Variants in CCDC171 observed in about 807,000 individuals in gnomAD.
CCDC171 encodes the protein coiled-coil domain containing 171.
A neutral mutation model predicts 168.2 loss-of-function variants in CCDC171; 177 were observed. That is an observed-to-expected ratio of 1.05 (90% CI 0.93 to 1.19). CCDC171 has a LOEUF of 1.19. CCDC171 is among the 50% of genes most tolerant of loss of function. CCDC171 has a pLI of 0.00. For missense variants in CCDC171, 1,991 were observed against 1,539.0 expected, an observed-to-expected ratio of 1.29 and a Z score of -4.91; for synonymous variants, 687 against 540.8, an observed-to-expected ratio of 1.27 and a Z score of -3.75.
intron 16 of CCDC171, among the ~76,000 whole-genome samples, chr9:15,737,841 G>GT (rs1164067985): frequency 2.6e-5 from 4 of 152,122 alleles, no homozygotes; most frequent in Non-Finnish European, 5.9e-5. Flanking sequence ...ATAATTCTAT[G>GT]TTTAACTTTT....
At chr9:15,945,332 A>T (rs1446534040) in intron 25 of CCDC171, among the ~76,000 whole-genome samples, 9 of 146,114 alleles carry the variant, frequency 6.2e-5, no homozygotes, top group Non-Finnish European at 1.2e-4. Context: ...TAATGCCGCA[A>T]TAAACATAGG....
chr9:16,090,568 A>G, the CCDC171 span, among the ~76,000 whole-genome samples: 3 of 152,206 alleles, frequency 2.0e-5, no homozygotes, highest in Admixed American at 2.0e-4. Context: ...AGTATAATTT[A>G]AAAAATGCTC....
At chr9:15,712,724 G>C (rs2089618) in intron 11 of CCDC171, among the ~76,000 whole-genome samples, 52 of 152,284 alleles carry the variant, frequency 3.4e-4, no homozygotes, top group African/African-American at 1.2e-3. Context: ...CCTCCCAGAG[G>C]ATGGTGTCAT....
At chr9:15,674,520 C>T (rs1008974636) in intron 9 of CCDC171, among the ~76,000 whole-genome samples, 3 of 152,204 alleles carry the variant, frequency 2.0e-5, no homozygotes, top group African/African-American at 7.2e-5. Flanking sequence ...TCCCTCTACA[C>T]ACTTCCTTAA....
intron 9 of CCDC171, among the ~76,000 whole-genome samples, chr9:15,674,614 T>G (rs1419822385): frequency 3.9e-5 from 6 of 152,232 alleles, no homozygotes; most frequent in Non-Finnish European, 8.8e-5. Context: ...CATTTTGTTA[T>G]TTACTGAGTA....
intron 6 of CCDC171, among the ~76,000 whole-genome samples, chr9:15,599,845 T>C (rs2042691485): frequency 6.6e-6 from 1 of 152,154 alleles, no homozygotes; most frequent in African/African-American, 2.4e-5. Context: ...CTTTCTTTGT[T>C]TCTTTTTACT....
intron 21 of CCDC171, among the ~76,000 whole-genome samples, chr9:15,802,763 G>T (rs1419370174): frequency 1.3e-5 from 2 of 152,094 alleles, no homozygotes; most frequent in Non-Finnish European, 2.9e-5. Context: ...ATTCCTTTGG[G>T]TATGTACCCA....
chr9:15,618,214 C>G (rs2044236662), intron 6 of CCDC171, among the ~76,000 whole-genome samples: 1 of 152,178 alleles, frequency 6.6e-6, no homozygotes, highest in African/African-American at 2.4e-5. Context: ...TGCAGAGATG[C>G]CCTGCCCAGT....
chr9:15,739,019 TC>T (rs2054673525), intron 16 of CCDC171, among the ~76,000 whole-genome samples: 2 of 152,266 alleles, frequency 1.3e-5, no homozygotes, highest in South Asian at 4.2e-4. Flanking sequence ...AGTAAATAAT[TC>T]CTAACCTCTA....
the CCDC171 span, among the ~76,000 whole-genome samples, chr9:16,074,016 C>A: frequency 1.3e-5 from 2 of 152,142 alleles, no homozygotes; most frequent in African/African-American, 4.8e-5. Context: ...ACAGTGCAAA[C>A]TGCTTATCTT....
At chr9:15,927,085 G>C (rs1311085000) in intron 25 of CCDC171, among the ~76,000 whole-genome samples, 2 of 151,664 alleles carry the variant, frequency 1.3e-5, no homozygotes, top group East Asian at 3.9e-4. Context: ...CATATAAAGA[G>C]ATTGATCATA....
At chr9:15,968,533 C>T (rs942258455) in intron 25 of CCDC171, among the ~76,000 whole-genome samples, 3 of 128,934 alleles carry the variant, frequency 2.3e-5, no homozygotes, top group South Asian at 2.4e-4. Context: ...AGAATTGTTG[C>T]TGGCTTTTTT....
chr9:15,711,556 G>C (rs1027572276), intron 11 of CCDC171, among the ~76,000 whole-genome samples: 3 of 152,140 alleles, frequency 2.0e-5, no homozygotes, highest in Non-Finnish European at 4.4e-5. Context: ...AGAAGTAACT[G>C]TGAAGATCAA....
At chr9:15,623,819 T>G (rs1481512439) in intron 7 of CCDC171, among the ~76,000 whole-genome samples, 1 of 152,210 alleles carries the variant, frequency 6.6e-6, no homozygotes, top group Non-Finnish European at 1.5e-5. Flanking sequence ...GTTTGAATCA[T>G]GTATGGTTTT....
In CCDC171 at chr9:15,587,694, G is replaced by A. The variant is rs191749178; in HGVS notation, c.353-3672G>A. 3.6e-3 allele frequency: 1,657 copies of A among 456,660 alleles called. 10 individuals are homozygous for A. The highest frequency in any genetic ancestry group is 5.3e-3 in the Non-Finnish European group (1,203 of 226,952). 28.3% of individuals were successfully genotyped at this position (456,660 alleles called of 1,614,324 possible). A position where few individuals can be genotyped will look rare whatever the true frequency, so the allele number is the denominator to read the frequency against. On this transcript the variant is annotated intron_variant, in intron 4 of 25. Coordinates refer to ENST00000380701, the MANE Select transcript of CCDC171 (RefSeq NM_173550.4). ...CACCTTGAAGCTCAGATTCTAGGTG[G>A]TGGGTATATTAGTGTATAAACTGTA...
chr9:15,705,460 C>G (rs907534503), intron 11 of CCDC171, among the ~76,000 whole-genome samples: 1 of 152,202 alleles, frequency 6.6e-6, no homozygotes, highest in African/African-American at 2.4e-5. Flanking sequence ...ACTCTAGCTT[C>G]TTGCCATTTC....
chr9:15,583,432 G>A (rs1271648303), intron 4 of CCDC171, among the ~76,000 whole-genome samples: 3 of 147,520 alleles, frequency 2.0e-5, no homozygotes, highest in Non-Finnish European at 4.5e-5. Flanking sequence ...AAAAGAAAAT[G>A]TGCTATATAT....
chr9:15,635,753 T>C (rs1180286762), intron 7 of CCDC171, among the ~76,000 whole-genome samples: 1 of 152,208 alleles, frequency 6.6e-6, no homozygotes, highest in African/African-American at 2.4e-5. Flanking sequence ...ACCATGAACA[T>C]TCGTGTACAG....
At chr9:15,633,648 A>T (rs921067458) in intron 7 of CCDC171, among the ~76,000 whole-genome samples, 6 of 152,196 alleles carry the variant, frequency 3.9e-5, no homozygotes, top group Non-Finnish European at 7.3e-5. Context: ...TAGAAATACC[A>T]TTTGACCCAG....
Sources: allele counts gnomAD v4.1 joint callset (sites outside exome capture counted in the v4.1 genomes callset), GRCh38; gene constraint gnomAD v4.1.1; transcripts MANE v1.5; gene names NCBI Gene and HGNC (gene_info 2026-07-23, HGNC 2026-07-21).